NT5C2: variants seen among roughly 807,000 people sequenced by gnomAD.
The protein encoded by NT5C2 is cytosolic purine 5'-nucleotidase.
Under a neutral mutation model 76.1 loss-of-function variants are expected in NT5C2, and 58 were observed. The ratio of observed to expected loss-of-function variants is 0.76; its 90% CI spans 0.62 to 0.95. NT5C2 has a LOEUF of 0.95. Among genes scored for constraint, NT5C2 ranks in the 40% least tolerant of loss-of-function variants. NT5C2 has a pLI of 0.00. For synonymous variants in NT5C2, 229 were observed against 237.4 expected, an observed-to-expected ratio of 0.96 and a Z score of 0.32; for missense variants, 478 against 690.3, an observed-to-expected ratio of 0.69 and a Z score of 3.45.
At chr10:103,112,730 A>G (rs2073342336) in intron 4 of NT5C2, among the ~76,000 whole-genome samples, 1 of 152,312 alleles carries the variant, frequency 6.6e-6, no homozygotes. Context: ...AACAGTCACA[A>G]TGAAAACCAA....
intron 4 of NT5C2, among the ~76,000 whole-genome samples, chr10:103,114,128 C>T (rs1354849579): frequency 2.0e-5 from 3 of 152,178 alleles, no homozygotes; most frequent in African/African-American, 7.2e-5. Flanking sequence ...AACACTGACC[C>T]AATTAGGCCG....
At chr10:103,158,817 TA>T (rs201330746) in intron 3 of NT5C2, among the ~76,000 whole-genome samples, 41,563 of 124,870 alleles carry the variant, frequency 0.33, 6,099 homozygotes, top group South Asian at 0.43. Context: ...GACTCTTATC[TA>T]AAAAAAAAAA....
At chr10:103,126,782 A>G (rs1306105044) in intron 4 of NT5C2, among the ~76,000 whole-genome samples, 1 of 152,170 alleles carries the variant, frequency 6.6e-6, no homozygotes, top group East Asian at 1.9e-4. Context: ...TGCGGGTTTG[A>G]ACTGCACAGG....
chr10:103,115,845 T>C (rs1176560896), intron 4 of NT5C2, among the ~76,000 whole-genome samples: 1 of 152,038 alleles, frequency 6.6e-6, no homozygotes, highest in East Asian at 1.9e-4. Flanking sequence ...AATATATATA[T>C]CTAAAAATAA....
At chr10:103,159,927 G>A (rs2084395405) in intron 3 of NT5C2, among the ~76,000 whole-genome samples, 1 of 152,110 alleles carries the variant, frequency 6.6e-6, no homozygotes, top group African/African-American at 2.4e-5. Context: ...GATTCATATG[G>A]ATATAGAAGG....
intron 18 of NT5C2, chr10:103,090,250 C>T (rs772086293): frequency 3.7e-5 from 12 of 323,786 alleles, no homozygotes; most frequent in Non-Finnish European, 6.2e-5. Flanking sequence ...GATGGTCTCT[C>T]GCTGTCACCC....
At chr10:103,090,143 G>A in intron 18 of NT5C2, 1 of 439,954 alleles carries the variant, frequency 2.3e-6, no homozygotes, top group East Asian at 3.4e-5. Flanking sequence ...GGAAAAGATG[G>A]AGAGGGGAGT....
At chr10:103,099,817 T>C (rs1163385448) in intron 9 of NT5C2, 109 bp downstream of exon 9, 3 of 686,498 alleles carry the variant, frequency 4.4e-6, no homozygotes, top group Non-Finnish European at 5.0e-6. Context: ...GGCAAATCTG[T>C]TTTTTCTTTT....
chr10:103,121,364 T>C (rs2075628445), intron 4 of NT5C2, among the ~76,000 whole-genome samples: 1 of 152,226 alleles, frequency 6.6e-6, no homozygotes, highest in African/African-American at 2.4e-5. Context: ...CTGCATAATA[T>C]TTCTTGCTTT....
intron 4 of NT5C2, among the ~76,000 whole-genome samples, chr10:103,128,046 TC>T (rs1293088452): frequency 2.9e-4 from 5 of 17,196 alleles, no homozygotes; most frequent in East Asian, 2.6e-3. Flanking sequence ...TGATCCGGTC[TC>T]TCCCTCTCCC....
chr10:103,183,736 A>C (rs1459902880), intron 1 of NT5C2, among the ~76,000 whole-genome samples: 1 of 151,846 alleles, frequency 6.6e-6, no homozygotes, highest in African/African-American at 2.4e-5. Flanking sequence ...AATGTACACT[A>C]TTCAGGTGAT....
chr10:103,118,647 C>T (rs557384446), intron 4 of NT5C2, among the ~76,000 whole-genome samples: 4 of 152,154 alleles, frequency 2.6e-5, no homozygotes, highest in Admixed American at 6.5e-5. Flanking sequence ...AATAAGCCAC[C>T]ATGCCTGGAC....
At chr10:103,175,036 C>T in intron 2 of NT5C2, 54 bp from the exon 3 acceptor site, 2 of 1,001,646 alleles carry the variant, frequency 2.0e-6, no homozygotes, top group Admixed American at 2.1e-5. Context: ...TGTATACTGA[C>T]ATCTGATTTT....
intron 10 of NT5C2, 64 bp downstream of exon 10, chr10:103,098,867 T>TA: frequency 8.9e-7 from 1 of 1,129,734 alleles, no homozygotes; most frequent in East Asian, 2.4e-5. Flanking sequence ...ATCAGCTTGT[T>TA]ATTAATTTCC....
intron 4 of NT5C2, chr10:103,111,845 AAAAC>A: frequency 8.4e-7 from 1 of 1,195,568 alleles, no homozygotes; most frequent in Non-Finnish European, 1.0e-6. Flanking sequence ...AACAAAAACA[AAAAC>A]AAAAGCTGGT....
intron 9 of NT5C2, among the ~76,000 whole-genome samples, chr10:103,099,245 C>T (rs1808760093): frequency 6.6e-6 from 1 of 152,144 alleles, no homozygotes; most frequent in African/African-American, 2.4e-5. Context: ...GGCTAATTTT[C>T]TGTATTTCTT....
Position 103,134,663 on chromosome 10 carries a change from T to C in NT5C2, c.175+4743A>G, listed in dbSNP as rs796875563. 4.6e-5 allele frequency among the ~76,000 whole-genome samples: 7 copies of C among 152,068 alleles called. No individual in the cohort carries two copies. In the South Asian group the frequency reaches 1.2e-3, roughly 27 times the overall value. ...ACTAGGGCACTGCCTATTGGAGCTG[T>C]GAGAAGAGGATCACCGTCCTCCAGA... On this transcript the variant is annotated intron_variant, in intron 4 of 18. Transcript: ENST00000404739.
At chr10:103,119,324 G>A (rs748995119) in intron 4 of NT5C2, among the ~76,000 whole-genome samples, 6 of 152,026 alleles carry the variant, frequency 3.9e-5, no homozygotes, top group Non-Finnish European at 8.8e-5. Context: ...AGCTGAGATC[G>A]CGCCATTGTA....
chr10:103,145,771 C>T (rs1323226846), intron 3 of NT5C2, among the ~76,000 whole-genome samples: 6 of 152,120 alleles, frequency 3.9e-5, no homozygotes, highest in African/African-American at 1.2e-4. Context: ...CACTCTAAAA[C>T]GAAGCACAGA....
Sources: gnomAD v4.1 joint callset for allele counts (sites outside exome capture counted in the v4.1 genomes callset) on GRCh38, gnomAD v4.1.1 for gene constraint, MANE v1.5 for transcripts, NCBI Gene and HGNC (gene_info 2026-07-23, HGNC 2026-07-21) for gene names.